SDCCAG8: variants seen among roughly 807,000 people sequenced by gnomAD.
SDCCAG8 encodes the protein serologically defined colon cancer antigen 8.
Under a neutral mutation model 101.8 loss-of-function variants are expected in SDCCAG8, and 74 were observed. The ratio of observed to expected loss-of-function variants is 0.73; its 90% CI spans 0.60 to 0.88. SDCCAG8 has a LOEUF of 0.88. Among genes scored for constraint, SDCCAG8 ranks in the 40% least tolerant of loss-of-function variants. The pLI is 0.00. For synonymous variants in SDCCAG8, 281 were observed against 292.9 expected (o/e 0.96, Z 0.41); for missense variants, 787 against 822.6 (o/e 0.96, Z 0.53).
intron 15 of SDCCAG8, among the ~76,000 whole-genome samples, chr1:243,425,972 T>G (rs1419749302): frequency 1.3e-5 from 2 of 152,212 alleles, no homozygotes; most frequent in East Asian, 1.9e-4. Context: ...CCCAAAGAAG[T>G]TGACACATAA....
chr1:243,497,203 C>G (rs1376032862), intron 17 of SDCCAG8, among the ~76,000 whole-genome samples: 1 of 152,138 alleles, frequency 6.6e-6, no homozygotes, highest in Non-Finnish European at 1.5e-5. Flanking sequence ...GCTTCTGTCT[C>G]GGTCAGAGAA....
chr1:243,269,535 G>C (rs1163543553), intron 1 of SDCCAG8, among the ~76,000 whole-genome samples: 1 of 151,924 alleles, frequency 6.6e-6, no homozygotes, highest in Non-Finnish European at 1.5e-5. Context: ...AGAAAGAGCT[G>C]TACCGCCGGG....
At chr1:243,479,276 G>C (rs1663026154) in intron 16 of SDCCAG8, among the ~76,000 whole-genome samples, 1 of 152,240 alleles carries the variant, frequency 6.6e-6, no homozygotes, top group Non-Finnish European at 1.5e-5. Flanking sequence ...AATCTGTAAA[G>C]TAATAGGATT....
At chr1:243,373,578 C>T (rs1010066495) in intron 12 of SDCCAG8, among the ~76,000 whole-genome samples, 13 of 152,108 alleles carry the variant, frequency 8.5e-5, no homozygotes, top group African/African-American at 3.1e-4. Flanking sequence ...TGTATTCTTT[C>T]TGTGGTCTAA....
chr1:243,403,217 G>A (rs1009907567), intron 13 of SDCCAG8, among the ~76,000 whole-genome samples: 5 of 152,258 alleles, frequency 3.3e-5, no homozygotes, highest in East Asian at 3.9e-4. Flanking sequence ...CCGCCTTGAC[G>A]TGACACAGCT....
At chr1:243,434,465 T>C (rs891660431) in intron 16 of SDCCAG8, among the ~76,000 whole-genome samples, 1 of 152,242 alleles carries the variant, frequency 6.6e-6, no homozygotes, top group African/African-American at 2.4e-5. Flanking sequence ...GATGTATATG[T>C]TGCTAGAAAA....
intron 6 of SDCCAG8, among the ~76,000 whole-genome samples, chr1:243,299,407 CT>C (rs959949122): frequency 2.0e-5 from 3 of 151,768 alleles, no homozygotes; most frequent in African/African-American, 4.8e-5. Flanking sequence ...ACAATATTTG[CT>C]TTTTTTTCTC....
At chr1:243,319,699 C>G (rs973272324) in intron 9 of SDCCAG8, among the ~76,000 whole-genome samples, 1 of 152,082 alleles carries the variant, frequency 6.6e-6, no homozygotes. Flanking sequence ...AACATCTGAT[C>G]CTTTTCCTCT....
At chr1:243,417,947 G>C in intron 14 of SDCCAG8, 21 bp from the exon 15 acceptor site, 3 of 1,523,854 alleles carry the variant, frequency 2.0e-6, no homozygotes, top group Admixed American at 1.7e-5. Context: ...TATGTTGGTG[G>C]GGGTTTATTG....
intron 11 of SDCCAG8, among the ~76,000 whole-genome samples, chr1:243,342,535 T>G (rs1315044721): frequency 6.6e-6 from 1 of 152,242 alleles, no homozygotes; most frequent in Non-Finnish European, 1.5e-5. Context: ...TAAACAGTTT[T>G]TACATAACCA....
intron 5 of SDCCAG8, among the ~76,000 whole-genome samples, chr1:243,288,980 C>G (rs2069927371): frequency 6.8e-6 from 1 of 147,264 alleles, no homozygotes; most frequent in Non-Finnish European, 1.5e-5. Context: ...GCACTCTGGC[C>G]TGGGCGACAG....
intron 7 of SDCCAG8, 177 bp downstream of exon 7, chr1:243,304,954 T>G: frequency 1.7e-6 from 1 of 584,466 alleles, no homozygotes; most frequent in Non-Finnish European, 3.1e-6. Flanking sequence ...ATTGAGTTCT[T>G]TTCCAAATCA....
chr1:243,419,917 C>G (rs1331191300), intron 15 of SDCCAG8, among the ~76,000 whole-genome samples: 3 of 152,216 alleles, frequency 2.0e-5, no homozygotes, highest in Admixed American at 2.0e-4. Context: ...CTGTACTGGT[C>G]TAACTCAGAA....
intron 10 of SDCCAG8, among the ~76,000 whole-genome samples, chr1:243,340,279 C>T (rs559347540): frequency 6.6e-6 from 1 of 152,236 alleles, no homozygotes; most frequent in East Asian, 1.9e-4. Context: ...GGAGCACATG[C>T]CATAGTGATA....
intron 10 of SDCCAG8, chr1:243,339,007 G>C (rs1045364500): frequency 1.3e-5 from 2 of 154,940 alleles, no homozygotes; most frequent in African/African-American, 4.9e-5. Flanking sequence ...GTGGGCGGCA[G>C]GAGGGAGCAG....
At chr1:243,337,080 A>G (rs1018094950) in intron 10 of SDCCAG8, among the ~76,000 whole-genome samples, 2 of 152,138 alleles carry the variant, frequency 1.3e-5, no homozygotes, top group Non-Finnish European at 2.9e-5. Flanking sequence ...CCCAAGGCCC[A>G]TGTAGGAAAC....
At chr1:243,377,409 G>C (rs1328530741) in intron 12 of SDCCAG8, among the ~76,000 whole-genome samples, 1 of 151,804 alleles carries the variant, frequency 6.6e-6, no homozygotes, top group Non-Finnish European at 1.5e-5. Flanking sequence ...GTATTTTAAA[G>C]AAATAAGTCA....
chr1:243,403,716 A>G (rs535838687), intron 13 of SDCCAG8, among the ~76,000 whole-genome samples: 1 of 152,308 alleles, frequency 6.6e-6, no homozygotes, highest in East Asian at 1.9e-4. Flanking sequence ...ACTCCTTATG[A>G]GAATCTAATG....
chr1:243,474,555 C>A lies in SDCCAG8; in HGVS notation c.1986-14459C>A, dbSNP rs538558754. Among the ~76,000 whole-genome samples, 2 of 152,214 alleles carry A rather than the reference C, an allele frequency of 1.3e-5. No homozygotes were observed. The highest frequency in any genetic ancestry group is 2.9e-5 in the Non-Finnish European group (2 of 68,026). On this transcript the variant is annotated intron_variant, in intron 16 of 17. Transcript: ENST00000366541. The surrounding 1 kb of genome is among the most constrained non-coding windows in gnomAD (Gnocchi z 4.7). ...ACCGCCCGGCAGCGCTGAGACCTGG[C>A]CGCCTAGGCCACCCTGCCCGGCGAG...
Sources: gnomAD v4.1 joint callset for allele counts (sites outside exome capture counted in the v4.1 genomes callset) on GRCh38, gnomAD v4.1.1 for gene constraint, Gnocchi (gnomAD v3.1) non-coding constraint, MANE v1.5 for transcripts, NCBI Gene and HGNC (gene_info 2026-07-23, HGNC 2026-07-21) for gene names.